The following UBE2E2 variants were observed in gnomAD, a reference collection of about 807,000 sequenced individuals.
The protein encoded by UBE2E2 is ubiquitin conjugating enzyme E2 E2, also known as ubiquitin-conjugating enzyme E2 E2.
A neutral mutation model predicts 24.7 loss-of-function variants in UBE2E2; 6 were observed. The observed-to-expected ratio is 0.24, with a 90% confidence interval of 0.13 to 0.48. The LOEUF (loss-of-function observed/expected upper bound fraction) is 0.48, where lower values mean the gene tolerates loss of function less well. Ranked by LOEUF, UBE2E2 falls within the 20% of genes least tolerant of loss-of-function variation. The pLI, the probability that UBE2E2 is intolerant of heterozygous loss-of-function variation, is 0.99. For missense variants in UBE2E2, 169 were observed against 245.0 expected, an observed-to-expected ratio of 0.69 and a Z score of 2.07; for synonymous variants, 104 against 83.6, an observed-to-expected ratio of 1.24 and a Z score of -1.33.
chr3:23,389,434 G>T (rs1433039697), intron 3 of UBE2E2, among the ~76,000 whole-genome samples: 1 of 152,084 alleles, frequency 6.6e-6, no homozygotes, highest in Non-Finnish European at 1.5e-5. Flanking sequence ...ACTTTTTTCT[G>T]TACCGTCTTC....
chr3:23,260,196 C>T (rs1442303933), intron 3 of UBE2E2, among the ~76,000 whole-genome samples: 1 of 152,040 alleles, frequency 6.6e-6, no homozygotes, highest in East Asian at 1.9e-4. Flanking sequence ...TATAAATAAG[C>T]CTAATGGATA....
chr3:23,545,548 A>G (rs1373189986), intron 5 of UBE2E2, among the ~76,000 whole-genome samples: 2 of 152,206 alleles, frequency 1.3e-5, no homozygotes, highest in Non-Finnish European at 2.9e-5. Context: ...ATTTTTTAGT[A>G]CAGAACAAAA....
intron 3 of UBE2E2, among the ~76,000 whole-genome samples, chr3:23,458,193 A>G (rs1378229806): frequency 6.6e-6 from 1 of 152,136 alleles, no homozygotes; most frequent in Non-Finnish European, 1.5e-5. Flanking sequence ...CTTAGAGGCT[A>G]TTGTAGACCT....
chr3:23,428,287 A>G (rs1400736090), intron 3 of UBE2E2, among the ~76,000 whole-genome samples: 1 of 152,248 alleles, frequency 6.6e-6, no homozygotes, highest in African/African-American at 2.4e-5. Context: ...TGACAACATT[A>G]TTATAAACAC....
chr3:23,323,638 A>T, intron 3 of UBE2E2: 1 of 396,722 alleles, frequency 2.5e-6, no homozygotes, highest in Non-Finnish European at 5.0e-6. Context: ...TATCCAAAAC[A>T]CTTCTGGGGT....
At chr3:23,467,804 G>A (rs1698954057) in intron 3 of UBE2E2, among the ~76,000 whole-genome samples, 1 of 152,168 alleles carries the variant, frequency 6.6e-6, no homozygotes, top group African/African-American at 2.4e-5. Context: ...AGCTGTACAG[G>A]CTTCTGCTTC....
intron 4 of UBE2E2, among the ~76,000 whole-genome samples, chr3:23,514,587 TTTATTA>T (rs139935542): frequency 2.0e-5 from 3 of 151,746 alleles, no homozygotes; most frequent in Non-Finnish European, 4.4e-5. Flanking sequence ...AAAGTAATAT[TTTATTA>T]TTATTATTAT....
At chr3:23,453,409 A>C in intron 3 of UBE2E2, among the ~76,000 whole-genome samples, 1 of 152,154 alleles carries the variant, frequency 6.6e-6, no homozygotes, top group East Asian at 1.9e-4. Context: ...TTTTAAAAAG[A>C]AAGTTGGCAT....
rs547203547 is a variant in UBE2E2, at chr3:23,507,275, A to G, written c.360+7535A>G. Among the ~76,000 whole-genome samples, 5 of 152,036 alleles carry G rather than the reference A, an allele frequency of 3.3e-5. No homozygotes were observed. The South Asian group carries it at 6.3e-4, about 19-fold the overall frequency. On this transcript the variant is annotated intron_variant, in intron 4 of 5. Coordinates refer to ENST00000396703, the MANE Select transcript of UBE2E2 (RefSeq NM_152653.4). ...CTTAGGTTCCCTATAAACTTCCTCAAACTTCCTCACAACCACTAGTATACT... is the reference window on the plus strand; with the variant it reads ...CTTAGGTTCCCTATAAACTTCCTCAGACTTCCTCACAACCACTAGTATACT...
chr3:23,309,886 T>C (rs1438862047), intron 3 of UBE2E2, among the ~76,000 whole-genome samples: 1 of 152,000 alleles, frequency 6.6e-6, no homozygotes, highest in Non-Finnish European at 1.5e-5. Flanking sequence ...GGTGGTTGGC[T>C]TCCACCAGAG....
intron 3 of UBE2E2, among the ~76,000 whole-genome samples, chr3:23,231,324 G>A (rs1343925797): frequency 1.3e-5 from 2 of 152,120 alleles, no homozygotes; most frequent in Non-Finnish European, 2.9e-5. Context: ...TGGTTAGTGA[G>A]GCTTTTATTT....
At chr3:23,281,781 A>G (rs1698495420) in intron 3 of UBE2E2, among the ~76,000 whole-genome samples, 1 of 152,276 alleles carries the variant, frequency 6.6e-6, no homozygotes, top group Non-Finnish European at 1.5e-5. Flanking sequence ...TCGCAGTAAT[A>G]TTAGAAATCT....
intron 3 of UBE2E2, among the ~76,000 whole-genome samples, chr3:23,428,449 A>T (rs773186887): frequency 4.6e-5 from 7 of 152,226 alleles, no homozygotes; most frequent in Non-Finnish European, 1.0e-4. Context: ...AAGAAGAAAG[A>T]TCTAAAATCA....
chr3:23,210,826 T>C (rs1400637518), intron 2 of UBE2E2, among the ~76,000 whole-genome samples: 1 of 152,214 alleles, frequency 6.6e-6, no homozygotes, highest in Non-Finnish European at 1.5e-5. Flanking sequence ...TTGTGGTTCA[T>C]GATCTTCCTC....
chr3:23,264,898 T>G (rs1330531984), intron 3 of UBE2E2, among the ~76,000 whole-genome samples: 1 of 152,210 alleles, frequency 6.6e-6, no homozygotes, highest in Non-Finnish European at 1.5e-5. Context: ...AGTCAATTTT[T>G]CAGTCCTGTG....
chr3:23,506,573 C>G (rs1694462523), intron 4 of UBE2E2, among the ~76,000 whole-genome samples: 4 of 152,174 alleles, frequency 2.6e-5, no homozygotes, highest in Admixed American at 2.6e-4. Context: ...AACTGTTCTC[C>G]TCCCTCAGAT....
chr3:23,509,106 T>C (rs560349511), intron 4 of UBE2E2, among the ~76,000 whole-genome samples: 3 of 152,250 alleles, frequency 2.0e-5, no homozygotes, highest in African/African-American at 7.2e-5. Flanking sequence ...CATAAAACAG[T>C]GAACACTGGA....
intron 4 of UBE2E2, among the ~76,000 whole-genome samples, chr3:23,523,825 A>T (rs1246831215): frequency 6.8e-6 from 1 of 148,058 alleles, no homozygotes; most frequent in Non-Finnish European, 1.5e-5. Context: ...CAAAGAGGGG[A>T]TTTTTTTTTT....
chr3:23,435,967 T>G (rs1456342989), intron 3 of UBE2E2, among the ~76,000 whole-genome samples: 1 of 152,112 alleles, frequency 6.6e-6, no homozygotes, highest in Non-Finnish European at 1.5e-5. Context: ...TTAGTTAGAT[T>G]CTCATAAGGA....
Sources: allele counts gnomAD v4.1 joint callset (sites outside exome capture counted in the v4.1 genomes callset), GRCh38; gene constraint gnomAD v4.1.1; transcripts MANE v1.5; gene names NCBI Gene and HGNC (gene_info 2026-07-23, HGNC 2026-07-21).